The following KDM4C variants were observed in gnomAD, a reference collection of about 807,000 sequenced individuals.
KDM4C encodes lysine demethylase 4C.
KDM4C carries 81 observed loss-of-function variants against 129.3 expected under a neutral mutation model. That is an observed-to-expected ratio of 0.63 (90% confidence interval 0.52 to 0.75). The LOEUF (loss-of-function observed/expected upper bound fraction) is 0.75, where lower values mean the gene tolerates loss of function less well. Among genes scored for constraint, KDM4C ranks in the 30% least tolerant of loss-of-function variants. The pLI is 0.00. For synonymous variants in KDM4C, 573 were observed against 456.1 expected (o/e 1.26, Z -3.26); for missense variants, 1,457 against 1,304.0 (o/e 1.12, Z -1.81).
In KDM4C at chr9:7,103,689, G is replaced by A. The variant is rs1837356472; in HGVS notation, c.2429G>A (p.Cys810Tyr). 6.3e-7 allele frequency: 1 copy of A among 1,589,940 alleles called. No individual in the cohort carries two copies. Among genetic ancestry groups the A allele is most frequent in the Non-Finnish European group, 8.6e-7 (1 of 1,164,844 alleles). The stretch of plus-strand genomic sequence containing the variant: ...TTCTCTGTTTTAACCTTCCAGAAAT[G>A]CATCTTCTGCAGACACCGGGTTAAG... ...RIPLQRLKLK[C>Y]IFCRHRVKRV... Residue 810 changes from cysteine to tyrosine, a missense_variant, in exon 18 of 22, where the codon TGC becomes TAC. By Grantham distance (194) the Cys-to-Tyr change is radical. Coordinates refer to ENST00000381309, the MANE Select transcript of KDM4C (RefSeq NM_015061.6).
intron 5 of KDM4C, among the ~76,000 whole-genome samples, chr9:6,858,832 A>G (rs1187030482): frequency 4.0e-5 from 6 of 150,152 alleles, no homozygotes; most frequent in African/African-American, 1.5e-4. Context: ...ACCCAGCTTT[A>G]TCATTTTTTT....
intron 1 of KDM4C, among the ~76,000 whole-genome samples, chr9:6,725,697 TTTTC>T (rs1817099518): frequency 7.4e-6 from 1 of 135,602 alleles, no homozygotes; most frequent in Admixed American, 7.6e-5. Context: ...CTTTCTTTTC[TTTTC>T]TTTTCTTTTC....
chr9:7,069,500 A>G (rs990580520), intron 17 of KDM4C, among the ~76,000 whole-genome samples: 1 of 152,236 alleles, frequency 6.6e-6, no homozygotes, highest in South Asian at 2.1e-4. Context: ...CTACAGAGCA[A>G]GACCCTGTTT....
chr9:7,070,234 A>G (rs771903295), intron 17 of KDM4C, among the ~76,000 whole-genome samples: 11 of 152,206 alleles, frequency 7.2e-5, no homozygotes, highest in Non-Finnish European at 1.5e-4. Flanking sequence ...GTAAACAAAA[A>G]TCTTTCTAGA....
rs193110900 is a variant in KDM4C at position 7,023,019 on chromosome 9, C to A, written c.2259+7090C>A. On this transcript the variant is annotated intron_variant, in intron 15 of 21. Transcript: ENST00000381309. The stretch of plus-strand genomic sequence containing the variant: ...ATCCCACTTGGTCATGATGAATGAT[C>A]TTTTTAATGTGTTGTTGAATTTGGT... 3.0e-3 allele frequency among the ~76,000 whole-genome samples: 464 copies of A among 152,268 alleles called. 2 individuals carry two copies. Among genetic ancestry groups the A allele is most frequent in the Non-Finnish European group, 4.2e-3 (289 of 68,010 alleles).
At chr9:6,727,154 A>G (rs1817158080) in intron 1 of KDM4C, 1 of 152,218 alleles carries the variant, frequency 6.6e-6, no homozygotes, top group African/African-American at 2.4e-5. Flanking sequence ...TTACACATAT[A>G]AGATGGTAAT....
chr9:6,878,746 G>A (rs529460420), intron 5 of KDM4C, among the ~76,000 whole-genome samples: 17 of 152,142 alleles, frequency 1.1e-4, no homozygotes, highest in African/African-American at 4.1e-4. Flanking sequence ...GTGTGTGTAT[G>A]TATGTGTGTG....
chr9:6,749,381 A>T (rs991230498), intron 1 of KDM4C, among the ~76,000 whole-genome samples: 3 of 152,224 alleles, frequency 2.0e-5, no homozygotes, highest in Non-Finnish European at 4.4e-5. Context: ...ACTAATTTGA[A>T]GAGAACAGCC....
chr9:7,044,759 C>T (rs544433405), intron 15 of KDM4C, among the ~76,000 whole-genome samples: 152 of 151,934 alleles, frequency 1.0e-3, no homozygotes, highest in Non-Finnish European at 1.1e-3. Context: ...AGAGAGTGAT[C>T]GGAATCAGGG....
intron 8 of KDM4C, among the ~76,000 whole-genome samples, chr9:6,949,862 A>G (rs887267653): frequency 1.1e-4 from 16 of 152,058 alleles, no homozygotes; most frequent in Non-Finnish European, 2.1e-4. Context: ...GGAGAGGGAG[A>G]GGGACCATTT....
At chr9:7,091,961 T>C (rs1835857328) in intron 17 of KDM4C, among the ~76,000 whole-genome samples, 1 of 152,236 alleles carries the variant, frequency 6.6e-6, no homozygotes, top group Middle Eastern at 3.2e-3. Flanking sequence ...GTTATTTGTT[T>C]AACGTCCCTT....
At chr9:6,973,380 A>G (rs1447036994) in intron 8 of KDM4C, among the ~76,000 whole-genome samples, 2 of 152,170 alleles carry the variant, frequency 1.3e-5, no homozygotes, top group African/African-American at 4.8e-5. Flanking sequence ...AATCAAATAG[A>G]CTAAAAGCAT....
chr9:6,941,377 C>G (rs10975924), intron 8 of KDM4C, among the ~76,000 whole-genome samples: 2 of 151,898 alleles, frequency 1.3e-5, no homozygotes, highest in African/African-American at 4.8e-5. Flanking sequence ...TGGGGTTGTT[C>G]TTTTCTTGTA....
chr9:6,798,671 C>G (rs1228769616), intron 2 of KDM4C, among the ~76,000 whole-genome samples: 1 of 152,362 alleles, frequency 6.6e-6, no homozygotes, highest in East Asian at 1.9e-4. Context: ...CATCCGATTT[C>G]TCAGTCTTTT....
At chr9:7,076,549 A>T in intron 17 of KDM4C, 1 of 1,530,822 alleles carries the variant, frequency 6.5e-7, no homozygotes, top group Non-Finnish European at 8.8e-7. Context: ...ACTGTTTCAG[A>T]TGCTGTTTCT....
rs1259804360 is a variant in KDM4C at position 6,799,065 on chromosome 9, C to T, written c.144+5933C>T. 1.3e-5 allele frequency among the ~76,000 whole-genome samples: 2 copies of T among 151,740 alleles called. 1 individual carries two copies. The highest frequency in any genetic ancestry group is 3.9e-4 in the East Asian group (2 of 5,154). ...GTGGGATGGCGGCCGGGCAGAGACGCTCCTCACTTTCCAGACTGGGCATCC... is the reference window on the plus strand; with the variant it reads ...GTGGGATGGCGGCCGGGCAGAGACGTTCCTCACTTTCCAGACTGGGCATCC... On this transcript the variant is annotated intron_variant, in intron 2 of 21. Coordinates refer to ENST00000381309, the MANE Select transcript of KDM4C (RefSeq NM_015061.6).
chr9:6,945,484 T>C (rs1027404531), intron 8 of KDM4C, among the ~76,000 whole-genome samples: 3 of 152,300 alleles, frequency 2.0e-5, no homozygotes, highest in African/African-American at 7.2e-5. Context: ...CTTGAACTCA[T>C]GATTAGGGAG....
chr9:6,973,554 C>T (rs1464161822), intron 8 of KDM4C, among the ~76,000 whole-genome samples: 2 of 152,130 alleles, frequency 1.3e-5, no homozygotes, highest in African/African-American at 4.8e-5. Context: ...TTTCCAGAGA[C>T]TCACACTCAA....
intron 15 of KDM4C, among the ~76,000 whole-genome samples, chr9:7,016,285 G>A (rs559484872): frequency 2.6e-5 from 4 of 151,908 alleles, no homozygotes; most frequent in African/African-American, 4.8e-5. Context: ...CCGCCACCAC[G>A]CCTGGCTAAT....
Sources: gnomAD v4.1 joint callset for allele counts (sites outside exome capture counted in the v4.1 genomes callset) on GRCh38, gnomAD v4.1.1 for gene constraint, MANE v1.5 for transcripts, NCBI Gene and HGNC (gene_info 2026-07-23, HGNC 2026-07-21) for gene names.